The following MAF variants were observed in gnomAD, a reference collection of about 807,000 sequenced individuals.
The protein encoded by MAF is transcription factor Maf.
Under a neutral mutation model 22.0 loss-of-function variants are expected in MAF, and 10 were observed. The ratio of observed to expected loss-of-function variants is 0.45; its 90% confidence interval spans 0.28 to 0.77. The LOEUF is 0.77. Among genes scored for constraint, MAF ranks in the 30% least tolerant of loss-of-function variants. The probability of loss-of-function intolerance (pLI) is 0.12; values close to 1 mark genes in which losing one functional copy is unlikely to be tolerated. For synonymous variants in MAF, 337 were observed against 255.8 expected (o/e 1.32, Z -3.03); for missense variants, 544 against 548.4 (o/e 0.99, Z 0.08).
At chr16:79,232,463 T>C in the MAF span, among the ~76,000 whole-genome samples, 1 of 152,156 alleles carries the variant, frequency 6.6e-6, no homozygotes, top group East Asian at 1.9e-4. Context: ...ATTTCTCTTT[T>C]ATATGGAGAA....
chr16:79,240,122 G>A, the MAF span, among the ~76,000 whole-genome samples: 1 of 151,858 alleles, frequency 6.6e-6, no homozygotes, highest in Non-Finnish European at 1.5e-5. Flanking sequence ...ATGGCATTGG[G>A]GGTTTAGGGT....
At chr16:79,230,643 T>C in the MAF span, among the ~76,000 whole-genome samples, 5 of 152,118 alleles carry the variant, frequency 3.3e-5, no homozygotes, top group South Asian at 8.3e-4. Flanking sequence ...CTACACATGG[T>C]TCCTTTAAAC....
chr16:79,476,032 A>T, the MAF span, among the ~76,000 whole-genome samples: 1 of 152,218 alleles, frequency 6.6e-6, no homozygotes, highest in African/African-American at 2.4e-5. Flanking sequence ...AGATGATCCT[A>T]GGTGGGCCTG....
chr16:79,291,621 G>A, the MAF span, among the ~76,000 whole-genome samples: 1 of 151,372 alleles, frequency 6.6e-6, no homozygotes, highest in Non-Finnish European at 1.5e-5. Context: ...TCTGACCTAT[G>A]CAGGGAGAAA....
the MAF span, among the ~76,000 whole-genome samples, chr16:79,428,096 T>TAAAAAAA: frequency 8.6e-5 from 9 of 104,092 alleles, no homozygotes; most frequent in South Asian, 4.0e-4. Flanking sequence ...CGACTCAAAT[T>TAAAAAAA]AAAAAAAAAA....
the MAF span, among the ~76,000 whole-genome samples, chr16:79,366,744 C>T: frequency 4.6e-5 from 7 of 152,188 alleles, no homozygotes; most frequent in South Asian, 2.1e-4. Flanking sequence ...AAGTGAGAAA[C>T]GTATGGTGCT....
the MAF span, among the ~76,000 whole-genome samples, chr16:79,434,218 G>A: frequency 6.6e-6 from 1 of 152,214 alleles, no homozygotes; most frequent in African/African-American, 2.4e-5. Context: ...TGCAGTGAAG[G>A]TTAAATAAAA....
At chr16:79,275,262 A>C in the MAF span, among the ~76,000 whole-genome samples, 1 of 152,230 alleles carries the variant, frequency 6.6e-6, no homozygotes, top group African/African-American at 2.4e-5. Flanking sequence ...AGGCTGAGGC[A>C]GAAGAATCAC....
the MAF span, among the ~76,000 whole-genome samples, chr16:79,214,739 A>C: frequency 2.2e-5 from 2 of 91,670 alleles, no homozygotes; most frequent in Non-Finnish European, 2.1e-5. Flanking sequence ...TTGAGACAGA[A>C]TCTCACTCTG....
chr16:79,592,830 C>T (rs113086201), downstream of MAF, among the ~76,000 whole-genome samples: 33 of 152,270 alleles, frequency 2.2e-4, no homozygotes, highest in African/African-American at 7.2e-4. Context: ...TTCAAAGAGA[C>T]GGACAAAATT....
chr16:79,413,689 T>C, the MAF span, among the ~76,000 whole-genome samples: 4 of 152,108 alleles, frequency 2.6e-5, no homozygotes, highest in Non-Finnish European at 5.9e-5. Context: ...ACAGATAATC[T>C]CCATTGTGGG....
the MAF span, among the ~76,000 whole-genome samples, chr16:79,421,254 G>T: frequency 6.6e-6 from 1 of 152,188 alleles, no homozygotes; most frequent in Non-Finnish European, 1.5e-5. Context: ...TTCCCTTGTG[G>T]ATAAGCGCTG....
the MAF span, among the ~76,000 whole-genome samples, chr16:79,540,206 G>A: frequency 3.3e-5 from 5 of 151,852 alleles, no homozygotes; most frequent in Admixed American, 1.3e-4. Flanking sequence ...GACAGGTTAC[G>A]TGATGAAGAC....
the MAF span, among the ~76,000 whole-genome samples, chr16:79,326,689 A>C: frequency 6.6e-6 from 1 of 152,240 alleles, no homozygotes. Context: ...GAAAGCAGCC[A>C]CAGGAGTATG....
chr16:79,432,650 C>T, the MAF span, among the ~76,000 whole-genome samples: 1 of 152,100 alleles, frequency 6.6e-6, no homozygotes, highest in East Asian at 1.9e-4. Context: ...GACCTAGGAT[C>T]ACTTGTGGAA....
the MAF span, among the ~76,000 whole-genome samples, chr16:79,500,209 A>C: frequency 6.6e-6 from 1 of 152,240 alleles, no homozygotes; most frequent in African/African-American, 2.4e-5. Context: ...ATTTTGTTAC[A>C]ACAGCCACCA....
the MAF span, among the ~76,000 whole-genome samples, chr16:79,511,457 G>T: frequency 2.0e-5 from 3 of 152,132 alleles, no homozygotes; most frequent in Admixed American, 6.6e-5. Context: ...AGGCCAGACT[G>T]CCCAGGAAAG....
chr16:79,393,203 T>G, the MAF span, among the ~76,000 whole-genome samples: 5 of 152,252 alleles, frequency 3.3e-5, no homozygotes, highest in African/African-American at 1.2e-4. Flanking sequence ...TTTGGCAGCC[T>G]GAGTTTGCAG....
At chr16:79,388,740 G>C in the MAF span, among the ~76,000 whole-genome samples, 7 of 152,192 alleles carry the variant, frequency 4.6e-5, no homozygotes, top group Non-Finnish European at 7.3e-5. Flanking sequence ...CCAAGAAAAA[G>C]GATGGAGGAA....
Sources: allele counts gnomAD v4.1 joint callset (sites outside exome capture counted in the v4.1 genomes callset), GRCh38; gene constraint gnomAD v4.1.1; transcripts MANE v1.5; gene names NCBI Gene and HGNC (gene_info 2026-07-23, HGNC 2026-07-21).